NEK1: variants seen among roughly 807,000 people sequenced by gnomAD.
The protein encoded by NEK1 is serine/threonine-protein kinase Nek1.
Under a neutral mutation model 182.1 loss-of-function variants are expected in NEK1, and 137 were observed. The observed-to-expected ratio is 0.75, with a 90% confidence interval of 0.65 to 0.87. The LOEUF (loss-of-function observed/expected upper bound fraction) is 0.87, where lower values mean the gene tolerates loss of function less well. Among genes scored for constraint, NEK1 ranks in the 40% least tolerant of loss-of-function variants. NEK1 has a pLI of 0.00. For missense variants in NEK1, 1,391 were observed against 1,494.4 expected (o/e 0.93, Z 1.14); for synonymous variants, 513 against 492.2 (o/e 1.04, Z -0.56).
At position 169,608,070 on chromosome 4, in the gene NEK1, G is replaced by C. The variant is rs554749215; in HGVS notation, c.-49+3950C>G. Among the ~76,000 whole-genome samples the C allele has an allele frequency of 3.4e-4, 52 of 151,708 alleles. 1 individual carries two copies. In the South Asian group the frequency reaches 7.7e-3, roughly 22 times the overall value. On this transcript the variant is annotated intron_variant, in intron 2 of 35. Transcript: ENST00000507142. The stretch of plus-strand genomic sequence containing the variant: ...AATAAAAACATAAGCTTTGGGGCTG[G>C]GGGTGATTAGACAGGCTGATTTTAA...
chr4:169,507,183 GT>G, intron 22 of NEK1, 51 bp from the exon 23 acceptor site: 63 of 583,346 alleles, frequency 1.1e-4, no homozygotes, highest in African/African-American at 9.9e-4. Context: ...AAGGGCAGAG[GT>G]TTTTTTTTTT....
At chr4:169,466,988 G>A (rs1282380820) in intron 26 of NEK1, among the ~76,000 whole-genome samples, 6 of 152,000 alleles carry the variant, frequency 3.9e-5, no homozygotes, top group South Asian at 2.1e-4. Context: ...CCCCTCAGAC[G>A]CCAAGACCAA....
intron 27 of NEK1, among the ~76,000 whole-genome samples, chr4:169,456,947 A>T (rs1174144482): frequency 6.6e-6 from 1 of 152,200 alleles, no homozygotes; most frequent in African/African-American, 2.4e-5. Context: ...GTGATATAAG[A>T]CAGGCACAGA....
chr4:169,506,455 A>T (rs886699164), intron 23 of NEK1, among the ~76,000 whole-genome samples: 3 of 152,122 alleles, frequency 2.0e-5, no homozygotes, highest in African/African-American at 7.2e-5. Context: ...TAAATTAAAA[A>T]TTTTAAAATA....
At chr4:169,507,886 TA>T in intron 21 of NEK1, 94 bp from the exon 22 acceptor site, 1 of 930,052 alleles carries the variant, frequency 1.1e-6, no homozygotes. Context: ...AACTAAAATC[TA>T]AAAATATAAA....
intron 24 of NEK1, among the ~76,000 whole-genome samples, chr4:169,478,809 CT>C (rs1263184283): frequency 1.3e-5 from 2 of 152,180 alleles, no homozygotes; most frequent in Non-Finnish European, 2.9e-5. Context: ...CTCTTAACCC[CT>C]GAACAGTCTT....
At chr4:169,398,110 T>C (rs1731017971) in intron 35 of NEK1, among the ~76,000 whole-genome samples, 2 of 152,214 alleles carry the variant, frequency 1.3e-5, no homozygotes, top group Admixed American at 1.3e-4. Flanking sequence ...AGGATACTTT[T>C]CATTCCATTA....
chr4:169,544,864 CT>C (rs1760115292), intron 18 of NEK1, among the ~76,000 whole-genome samples: 3 of 148,760 alleles, frequency 2.0e-5, no homozygotes, highest in Non-Finnish European at 1.5e-5. Context: ...CTATTTGATT[CT>C]TCTCTCTTTT....
intron 23 of NEK1, among the ~76,000 whole-genome samples, chr4:169,506,135 G>C (rs1580310963): frequency 6.7e-6 from 1 of 148,860 alleles, no homozygotes; most frequent in South Asian, 2.1e-4. Context: ...TAAAGAAAAA[G>C]AGAGCAAATA....
In NEK1 at chr4:169,590,825, A is replaced by C. The variant is rs746353783; in HGVS notation, c.313-16T>G. 6.6e-7 allele frequency: 1 copy of C among 1,514,572 alleles called. No homozygotes were observed. The highest frequency in any genetic ancestry group is 9.1e-7 in the Non-Finnish European group (1 of 1,103,256). 93.8% of individuals were successfully genotyped at this position (1,514,572 alleles called of 1,614,324 possible). On this transcript the variant is annotated splice_polypyrimidine_tract_variant and intron_variant, in intron 5 of 35. Transcript: ENST00000507142. The stretch of plus-strand genomic sequence containing the variant: ...AGTCCAAAATCTAGGAAGAAAAATC[A>C]GATCTGTCAAGCCTCTCTTTGACCA...
In NEK1 at chr4:169,449,745, T is replaced by C. The variant is rs543503106; in HGVS notation, c.2588-11486A>G. Among the ~76,000 whole-genome samples, 4 of 152,248 alleles carry C rather than the reference T, an allele frequency of 2.6e-5. No homozygotes were observed. In the East Asian group the frequency reaches 5.8e-4, roughly 22 times the overall value. On this transcript the variant is annotated intron_variant, in intron 27 of 35. Coordinates refer to ENST00000507142, the MANE Select transcript of NEK1 (RefSeq NM_001199397.3). ...GAAACCAAAGCAGAAAAGCTGAATA[T>C]TCTAAAAATCAGAGCACCTCCTCTC...
intron 4 of NEK1, among the ~76,000 whole-genome samples, chr4:169,600,828 A>T (rs1770367773): frequency 6.6e-6 from 1 of 152,194 alleles, no homozygotes; most frequent in African/African-American, 2.4e-5. Flanking sequence ...ATTCTTCTAA[A>T]ACTAAGAGAA....
At chr4:169,575,198 AATAC>A (rs1765505192) in intron 12 of NEK1, among the ~76,000 whole-genome samples, 2 of 152,212 alleles carry the variant, frequency 1.3e-5, no homozygotes, top group African/African-American at 4.8e-5. Flanking sequence ...CTTAGGTTTG[AATAC>A]ATCTTTTTAA....
chr4:169,507,102 T>C lies in NEK1; in HGVS notation c.1942A>G (p.Lys648Glu), dbSNP rs371562840. The change falls in exon 23 of 36, where the codon AAA (lysine) becomes GAA (glutamate). Residue 648 changes from lysine (K) to glutamate (E), a missense_variant. Lys to Glu is a moderately conservative substitution (Grantham distance 56). Transcript: ENST00000507142. ...AHANARAAVL[K>E]EQLERKRKEA... is the part of the protein sequence containing the mutation. ...TTTCTCTTTCGTTCTAGTTGTTCTTTTAGTACAGCAGCACGTGCATTTGCA... is the reference window on the plus strand; with the variant it reads ...TTTCTCTTTCGTTCTAGTTGTTCTTCTAGTACAGCAGCACGTGCATTTGCA... The C allele has an allele frequency of 5.4e-5, 87 of 1,609,400 alleles. No individual in the cohort carries two copies. The highest frequency in any genetic ancestry group is 6.9e-5 in the Non-Finnish European group (81 of 1,178,244).
At chr4:169,541,745 T>TCCC (rs1193549260) in intron 18 of NEK1, among the ~76,000 whole-genome samples, 2 of 152,180 alleles carry the variant, frequency 1.3e-5, no homozygotes, top group African/African-American at 4.8e-5. Context: ...CAACCTTCGG[T>TCCC]ATTAACTAGT....
At chr4:169,532,044 A>C (rs1462789326) in intron 19 of NEK1, among the ~76,000 whole-genome samples, 1 of 152,208 alleles carries the variant, frequency 6.6e-6, no homozygotes, top group African/African-American at 2.4e-5. Context: ...AGAGAGGACA[A>C]AACTATAGTA....
At chr4:169,508,372 A>G in intron 20 of NEK1, 41 bp from the exon 21 acceptor site, 2 of 1,461,300 alleles carry the variant, frequency 1.4e-6, no homozygotes, top group Non-Finnish European at 1.8e-6. Context: ...ATGTAAAAGC[A>G]AAGCTATTGA....
Position 169,406,576 on chromosome 4 carries a change from A to G in NEK1, c.3374+20T>C, listed in dbSNP as rs1732656880. On this transcript the variant is annotated intron_variant, in intron 32 of 35. Coordinates refer to ENST00000507142, the MANE Select transcript of NEK1 (RefSeq NM_001199397.3). Reference sequence around the variant, plus strand: ...TTCAGAAAATCTTTTAATGCTGTTTACTAATGACATTATACTTACATGTCT... The same window carrying G: ...TTCAGAAAATCTTTTAATGCTGTTTGCTAATGACATTATACTTACATGTCT... The G allele has an allele frequency of 1.3e-6, 2 of 1,536,336 alleles. No individual in the cohort carries two copies. Among genetic ancestry groups the G allele is most frequent in the East Asian group, 4.6e-5 (2 of 43,080 alleles).
chr4:169,570,470 C>G (rs1283347321), intron 12 of NEK1, among the ~76,000 whole-genome samples: 1 of 150,940 alleles, frequency 6.6e-6, no homozygotes, highest in Non-Finnish European at 1.5e-5. Context: ...GGATCAGCCC[C>G]CCGCCCGGCC....
Sources: allele counts gnomAD v4.1 joint callset (sites outside exome capture counted in the v4.1 genomes callset), GRCh38; gene constraint gnomAD v4.1.1; transcripts MANE v1.5; gene names NCBI Gene and HGNC (gene_info 2026-07-23, HGNC 2026-07-21).